SASH1: variants seen among roughly 807,000 people sequenced by gnomAD.
SASH1 encodes the protein SAM and SH3 domain containing 1.
In SASH1, 44 loss-of-function variants were observed where a neutral mutation model predicts 125.2. The observed-to-expected ratio is 0.35, with a 90% CI of 0.28 to 0.45. The LOEUF is 0.45. SASH1 is among the 20% of genes least tolerant of loss of function. The probability of loss-of-function intolerance (pLI) is 1.00; values close to 1 mark genes in which losing one functional copy is unlikely to be tolerated. For synonymous variants in SASH1, 639 were observed against 649.1 expected (o/e 0.98, Z 0.24); for missense variants, 1,426 against 1,614.5 (o/e 0.88, Z 2.00).
At chr6:148,349,790 T>C (rs944077759) in intron 1 of SASH1, among the ~76,000 whole-genome samples, 1 of 152,012 alleles carries the variant, frequency 6.6e-6, no homozygotes, top group African/African-American at 2.4e-5. Context: ...TGCTCAAGAG[T>C]GGGCTGAGTT....
chr6:148,544,421 C>T lies in SASH1; in HGVS notation c.2951C>T (p.Pro984Leu), dbSNP rs1430319963. The change falls in exon 18 of 20, where the codon CCT (proline) becomes CTT (leucine). Residue 984 changes from proline to leucine, a missense_variant. Pro to Leu is a moderately conservative substitution (Grantham distance 98). This residue lies in a region of SASH1 where 634 missense variants were observed against 694.4 expected (regional missense o/e 0.91). Coordinates refer to ENST00000367467, the MANE Select transcript of SASH1 (RefSeq NM_015278.5). The surrounding 1 kb of genome is among the most constrained non-coding windows in gnomAD (Gnocchi z 6.4). ...ATGCAGCCCAAAATTCCATCACAGC[C>T]TCCACCTGTTCCTGCCAAAAAGAGC... ...QRMQPKIPSQ[P>L]PPVPAKKSRE... is the part of the protein sequence containing the mutation. 6.2e-7 allele frequency: 1 copy of T among 1,614,222 alleles called. No individual in the cohort carries two copies.
chr6:148,249,327 T>TGC, the SASH1 span, among the ~76,000 whole-genome samples: 11 of 2,220 alleles, frequency 5.0e-3, no homozygotes, highest in African/African-American at 0.03. Context: ...CATGTGCACG[T>TGC]GTGTGTGTGT....
the SASH1 span, among the ~76,000 whole-genome samples, chr6:148,223,478 T>C: frequency 6.6e-6 from 1 of 152,222 alleles, no homozygotes; most frequent in Non-Finnish European, 1.5e-5. Flanking sequence ...CTTCCGCTGA[T>C]GTGGGTTACA....
At chr6:148,407,426 G>C (rs1029083862) in intron 2 of SASH1, among the ~76,000 whole-genome samples, 1 of 151,956 alleles carries the variant, frequency 6.6e-6, no homozygotes, top group South Asian at 2.1e-4. Flanking sequence ...CCCTTTTGAG[G>C]CTGAATAATA....
chr6:148,396,509 A>G (rs1443313246), intron 2 of SASH1, among the ~76,000 whole-genome samples: 9 of 151,188 alleles, frequency 6.0e-5, no homozygotes, highest in Admixed American at 4.6e-4. Flanking sequence ...AAAAAGAAAG[A>G]AAGAGAACCA....
At chr6:148,456,548 A>C (rs557993563) in intron 4 of SASH1, among the ~76,000 whole-genome samples, 1 of 152,350 alleles carries the variant, frequency 6.6e-6, no homozygotes, top group South Asian at 2.1e-4. Flanking sequence ...CCCCATTTAC[A>C]AAATACTTGG....
At chr6:148,481,978 C>T (rs541106785) in intron 7 of SASH1, among the ~76,000 whole-genome samples, 85 of 152,212 alleles carry the variant, frequency 5.6e-4, no homozygotes, top group African/African-American at 1.5e-3. Context: ...AAATGAGGTG[C>T]GGCTGTACCA....
At chr6:148,403,336 C>T (rs1018569093) in intron 2 of SASH1, among the ~76,000 whole-genome samples, 2 of 151,840 alleles carry the variant, frequency 1.3e-5, no homozygotes, top group Admixed American at 6.6e-5. Context: ...AACTCTTGGC[C>T]TCAAGCGATC....
chr6:148,270,933 G>C (rs1454316185), upstream of SASH1, among the ~76,000 whole-genome samples: 1 of 137,760 alleles, frequency 7.3e-6, no homozygotes, highest in East Asian at 2.1e-4. Context: ...TTTTGAGACA[G>C]AGTCTCGCTC....
chr6:148,410,869 A>C (rs1784594710), intron 2 of SASH1, among the ~76,000 whole-genome samples: 1 of 152,172 alleles, frequency 6.6e-6, no homozygotes, highest in African/African-American at 2.4e-5. Flanking sequence ...TGTGACAGAC[A>C]TAAAAGGCGG....
intron 7 of SASH1, among the ~76,000 whole-genome samples, chr6:148,474,465 T>G (rs551769009): frequency 3.6e-4 from 55 of 152,338 alleles, no homozygotes; most frequent in African/African-American, 1.3e-3. Context: ...AAAATGGCCT[T>G]CTGAATGCAG....
intron 1 of SASH1, among the ~76,000 whole-genome samples, chr6:148,334,841 G>C (rs1308240669): frequency 6.7e-6 from 1 of 150,166 alleles, no homozygotes; most frequent in East Asian, 2.0e-4. Context: ...AGGTATGGTA[G>C]CGGGAACCTG....
chr6:148,338,428 A>AC (rs1049127371), upstream of SASH1, among the ~76,000 whole-genome samples: 6 of 148,780 alleles, frequency 4.0e-5, no homozygotes, highest in African/African-American at 1.5e-4. Context: ...CTCCATCTCA[A>AC]AAAAAAAAAA....
intron 1 of SASH1, among the ~76,000 whole-genome samples, chr6:148,310,689 G>T (rs1185279201): frequency 2.6e-5 from 4 of 151,996 alleles, no homozygotes; most frequent in African/African-American, 9.7e-5. Context: ...TCAATAACAA[G>T]AAAATAGCAT....
chr6:148,212,163 G>A, the SASH1 span, among the ~76,000 whole-genome samples: 1 of 152,184 alleles, frequency 6.6e-6, no homozygotes, highest in Non-Finnish European at 1.5e-5. Flanking sequence ...CAGGGAATTG[G>A]GAGTTTAGGA....
intron 1 of SASH1, among the ~76,000 whole-genome samples, 158 bp from the exon 2 acceptor site, chr6:148,389,976 G>A (rs1004455108): frequency 2.0e-5 from 3 of 152,154 alleles, no homozygotes; most frequent in Admixed American, 6.5e-5. Context: ...CTGTCCTGAG[G>A]GTTAGGAGAT....
the SASH1 span, among the ~76,000 whole-genome samples, chr6:148,222,173 A>G: frequency 6.6e-6 from 1 of 152,162 alleles, no homozygotes; most frequent in Non-Finnish European, 1.5e-5. Flanking sequence ...ATTCCCATGC[A>G]ATGGAGCCCC....
intron 1 of SASH1, among the ~76,000 whole-genome samples, chr6:148,293,557 T>G (rs1779688653): frequency 3.9e-5 from 6 of 152,196 alleles, no homozygotes; most frequent in Admixed American, 3.9e-4. Flanking sequence ...ACAGCTGTAC[T>G]TTCCCAGGCA....
chr6:148,503,577 G>A (rs1204017015), intron 8 of SASH1, among the ~76,000 whole-genome samples: 1 of 152,138 alleles, frequency 6.6e-6, no homozygotes, highest in Non-Finnish European at 1.5e-5. Context: ...TGCACACCAG[G>A]GGCCTGGGGT....
Sources: allele counts gnomAD v4.1 joint callset (sites outside exome capture counted in the v4.1 genomes callset), GRCh38; gene constraint gnomAD v4.1.1; regional missense constraint gnomAD v4.1.1; non-coding constraint Gnocchi (gnomAD v3.1); transcripts MANE v1.5; gene names NCBI Gene and HGNC (gene_info 2026-07-23, HGNC 2026-07-21).